Variants in MACROD2 observed in about 807,000 individuals in gnomAD.
MACROD2 encodes the protein mono-ADP ribosylhydrolase 2.
A neutral mutation model predicts 70.4 loss-of-function variants in MACROD2; 36 were observed. The observed-to-expected ratio is 0.51, with a 90% CI of 0.39 to 0.68. MACROD2 has a LOEUF of 0.68. Ranked by LOEUF, MACROD2 falls within the 30% of genes least tolerant of loss-of-function variation. The pLI, the probability that MACROD2 is intolerant of heterozygous loss-of-function variation, is 0.00. For missense variants in MACROD2, 496 were observed against 538.4 expected, an observed-to-expected ratio of 0.92 and a Z score of 0.78; for synonymous variants, 172 against 178.8, an observed-to-expected ratio of 0.96 and a Z score of 0.30.
Position 14,813,725 on chromosome 20 carries a change from A to G in MACROD2, c.418+128766A>G, listed in dbSNP as rs150588986. On this transcript the variant is annotated intron_variant, in intron 5 of 17. Transcript: ENST00000684519. Reference sequence around the variant, plus strand: ...TCCATATACCTCCATACATTCATCAATCTGGAAGCTCATTCAAGCCCAGTC... The same window carrying G: ...TCCATATACCTCCATACATTCATCAGTCTGGAAGCTCATTCAAGCCCAGTC... Among the ~76,000 whole-genome samples the G allele has an allele frequency of 4.8e-3, 729 of 152,088 alleles. 13 individuals carry two copies. Among genetic ancestry groups the G allele is most frequent in the African/African-American group, 0.016 (665 of 41,530 alleles).
intron 4 of MACROD2, among the ~76,000 whole-genome samples, chr20:14,499,760 T>TC (rs1357413312): frequency 1.3e-5 from 2 of 151,940 alleles, no homozygotes; most frequent in Non-Finnish European, 2.9e-5. Context: ...CCCTCCTGCC[T>TC]CCCTTCCTTC....
chr20:14,114,031 C>T (rs960512424), intron 3 of MACROD2, among the ~76,000 whole-genome samples: 1 of 152,104 alleles, frequency 6.6e-6, no homozygotes, highest in African/African-American at 2.4e-5. Flanking sequence ...TTGCTGATCT[C>T]GAACATGTTT....
At chr20:15,270,726 T>G (rs1009239606) in intron 6 of MACROD2, among the ~76,000 whole-genome samples, 6 of 152,186 alleles carry the variant, frequency 3.9e-5, no homozygotes, top group Admixed American at 2.6e-4. Context: ...TCGTGCTTGA[T>G]CTTTATGTAC....
intron 3 of MACROD2, among the ~76,000 whole-genome samples, chr20:14,132,992 CAT>C (rs1435858250): frequency 6.6e-6 from 1 of 151,832 alleles, no homozygotes; most frequent in Non-Finnish European, 1.5e-5. Flanking sequence ...TCCAGAGAAA[CAT>C]AACATATGTG....
At position 15,518,492 on chromosome 20, in the gene MACROD2, G is replaced by T. The variant is rs75299732; in HGVS notation, c.645+18645G>T. 5.4e-3 allele frequency among the ~76,000 whole-genome samples: 829 copies of T among 152,324 alleles called. 9 individuals carry two copies. The highest frequency in any genetic ancestry group is 0.019 in the African/African-American group (784 of 41,552). On this transcript the variant is annotated intron_variant, in intron 8 of 17. Coordinates refer to ENST00000684519, the MANE Select transcript of MACROD2 (RefSeq NM_001351661.2). Reference sequence around the variant, plus strand: ...GAAGCAGAGGCCAAATTATTTTCCAGTGAGTGCTTCATTTTAGACCTAAAT... The same window carrying T: ...GAAGCAGAGGCCAAATTATTTTCCATTGAGTGCTTCATTTTAGACCTAAAT...
chr20:15,317,040 A>G (rs1378000626), intron 6 of MACROD2, among the ~76,000 whole-genome samples: 1 of 152,074 alleles, frequency 6.6e-6, no homozygotes, highest in Non-Finnish European at 1.5e-5. Flanking sequence ...ACACAAACTT[A>G]CAGGATGCAG....
chr20:15,184,404 G>T (rs569129096), intron 5 of MACROD2, among the ~76,000 whole-genome samples: 2 of 152,216 alleles, frequency 1.3e-5, no homozygotes, highest in South Asian at 4.2e-4. Flanking sequence ...GTCAGAACAG[G>T]GTAGTTGCTA....
chr20:15,099,046 A>T (rs934097012), intron 5 of MACROD2, among the ~76,000 whole-genome samples: 2 of 152,230 alleles, frequency 1.3e-5, no homozygotes, highest in African/African-American at 4.8e-5. Flanking sequence ...CTGTACTTTA[A>T]CCAGATTTTT....
chr20:15,840,155 AG>A (rs1344235785), intron 8 of MACROD2, among the ~76,000 whole-genome samples: 5 of 152,336 alleles, frequency 3.3e-5, no homozygotes, highest in Non-Finnish European at 5.9e-5. Flanking sequence ...TGGCCATGAC[AG>A]TGGCTCAAGC....
intron 6 of MACROD2, among the ~76,000 whole-genome samples, chr20:15,295,595 TCACACACACACA>T (rs3223712): frequency 7.4e-5 from 11 of 147,938 alleles, no homozygotes; most frequent in South Asian, 6.6e-4. Context: ...ATGTCTGTCA[TCACACACACACA>T]CACACACACA....
intron 8 of MACROD2, among the ~76,000 whole-genome samples, chr20:15,617,997 C>T (rs1458129453): frequency 6.6e-6 from 1 of 150,790 alleles, no homozygotes; most frequent in African/African-American, 2.4e-5. Flanking sequence ...ATGAGTGAAA[C>T]AGGGCAGGTA....
At chr20:14,904,088 G>C (rs2073930138) in intron 5 of MACROD2, among the ~76,000 whole-genome samples, 1 of 152,106 alleles carries the variant, frequency 6.6e-6, no homozygotes, top group African/African-American at 2.4e-5. Flanking sequence ...GAGGGACTGT[G>C]ATACCATGTC....
chr20:14,913,262 T>A (rs2074050878), intron 5 of MACROD2, among the ~76,000 whole-genome samples: 1 of 152,182 alleles, frequency 6.6e-6, no homozygotes, highest in South Asian at 2.1e-4. Flanking sequence ...TGTCTCAGTG[T>A]TTGAACTGAG....
chr20:15,270,498 A>G (rs1311305407), intron 6 of MACROD2, among the ~76,000 whole-genome samples: 1 of 152,166 alleles, frequency 6.6e-6, no homozygotes, highest in Admixed American at 6.5e-5. Flanking sequence ...TTTTGAGGTT[A>G]TGGAACTGTT....
At chr20:14,499,534 T>TA (rs373032585) in intron 4 of MACROD2, among the ~76,000 whole-genome samples, 2,394 of 149,560 alleles carry the variant, frequency 0.016, 28 homozygotes, top group Non-Finnish European at 0.025. Context: ...CCCTGTCTCT[T>TA]AAAAAAAAAA....
At chr20:14,093,952 C>A (rs145004144) in intron 3 of MACROD2, among the ~76,000 whole-genome samples, 3,480 of 151,194 alleles carry the variant, frequency 0.023, 61 homozygotes, top group Middle Eastern at 0.059. Flanking sequence ...TCATGAAGTG[C>A]TTTGTATGTC....
intron 8 of MACROD2, among the ~76,000 whole-genome samples, chr20:15,501,952 T>A (rs1484868485): frequency 6.6e-6 from 1 of 152,212 alleles, no homozygotes; most frequent in Non-Finnish European, 1.5e-5. Flanking sequence ...TCTGATTGGT[T>A]AAGCTACTTA....
intron 8 of MACROD2, among the ~76,000 whole-genome samples, chr20:15,835,741 C>G (rs141079858): frequency 1.4e-3 from 209 of 152,250 alleles, no homozygotes; most frequent in African/African-American, 4.9e-3. Flanking sequence ...CAAAGTCAAT[C>G]AACTCGTATA....
intron 2 of MACROD2, among the ~76,000 whole-genome samples, chr20:14,028,587 C>T (rs964459895): frequency 6.6e-6 from 1 of 152,166 alleles, no homozygotes; most frequent in Admixed American, 6.5e-5. Context: ...CTGCAGGTTG[C>T]GAAGACCATG....
Sources: gnomAD v4.1 joint callset for allele counts (sites outside exome capture counted in the v4.1 genomes callset) on GRCh38, gnomAD v4.1.1 for gene constraint, MANE v1.5 for transcripts, NCBI Gene and HGNC (gene_info 2026-07-23, HGNC 2026-07-21) for gene names.